Variants in NCOR2 observed in about 807,000 individuals in gnomAD.
NCOR2 encodes the protein nuclear receptor corepressor 2.
NCOR2 carries 81 observed loss-of-function variants against 262.9 expected under a neutral mutation model. The ratio of observed to expected loss-of-function variants is 0.31; its 90% CI spans 0.26 to 0.37. The LOEUF (loss-of-function observed/expected upper bound fraction) is 0.37. Ranked by LOEUF, NCOR2 falls within the 10% of genes least tolerant of loss-of-function variation. NCOR2 has a pLI of 1.00. For missense variants in NCOR2, 3,385 were observed against 3,621.4 expected, an observed-to-expected ratio of 0.93 and a Z score of 1.68; for synonymous variants, 1,659 against 1,559.3, an observed-to-expected ratio of 1.06 and a Z score of -1.51.
intron 29 of NCOR2, 35 bp from the exon 32 acceptor site, chr12:124,347,946 C>G (rs1244064): frequency 0.98 from 1,522,716 of 1,548,500 alleles, 749,762 homozygotes; most frequent in Non-Finnish European, 1. Context: ...CATTCCGTGG[C>G]TCCCTGAGCC....
At chr12:124,388,598 C>A in intron 16 of NCOR2, 1 of 1,267,372 alleles carries the variant, frequency 7.9e-7, no homozygotes. Context: ...TCCCCAGCTG[C>A]CCAGCCTCAA....
intron 41 of NCOR2, among the ~76,000 whole-genome samples, chr12:124,333,891 T>TGCGG (rs1284127802): frequency 0.052 from 7,429 of 143,750 alleles, 440 homozygotes; most frequent in Non-Finnish European, 0.071. Flanking sequence ...TGTGCATGTG[T>TGCGG]GTGTGCGCGC....
chr12:124,459,647 G>T (rs1343814782), intron 5 of NCOR2, among the ~76,000 whole-genome samples: 1 of 152,178 alleles, frequency 6.6e-6, no homozygotes, highest in South Asian at 2.1e-4. Flanking sequence ...AGGACGTTCT[G>T]CAGGGAGCAA....
intron 15 of NCOR2, among the ~76,000 whole-genome samples, chr12:124,399,300 G>T (rs1356845875): frequency 6.6e-6 from 1 of 152,144 alleles, no homozygotes; most frequent in Admixed American, 6.5e-5. Flanking sequence ...GGTGCCAGGG[G>T]TGCTGAGGGT....
intron 3 of NCOR2, among the ~76,000 whole-genome samples, chr12:124,473,544 C>T (rs1268869408): frequency 6.6e-6 from 1 of 152,054 alleles, no homozygotes; most frequent in Non-Finnish European, 1.5e-5. Context: ...ACCTTGTGAT[C>T]GTGTGAGTTA....
Position 124,457,238 on chromosome 12 carries a change from A to C in NCOR2, c.706-76T>G. The C allele has an allele frequency of 7.0e-7, 1 of 1,435,970 alleles. No homozygotes were observed. The allele number at this position is 1,435,970 out of a possible 1,614,324, so 89.0% of individuals were successfully genotyped here. On this transcript the variant is annotated intron_variant, in intron 5 of 46. Coordinates refer to ENST00000405201, the Ensembl canonical transcript of NCOR2. The surrounding 1 kb of genome is among the most constrained non-coding windows in gnomAD (Gnocchi z 4.0). ...CAGATTATAAATAGAGGCTTCCCGGAGCAGCGGGCACCTGCCCAGCCCAGT... is the reference window on the plus strand; with the variant it reads ...CAGATTATAAATAGAGGCTTCCCGGCGCAGCGGGCACCTGCCCAGCCCAGT...
At chr12:124,438,111 G>T (rs2044471367) in intron 7 of NCOR2, 115 bp from the exon 10 acceptor site, 1 of 953,108 alleles carries the variant, frequency 1.0e-6, no homozygotes, top group East Asian at 2.6e-5. Flanking sequence ...TGGTTCTCAG[G>T]GAGATGAGAC....
At position 124,437,877 on chromosome 12, in the gene NCOR2, C is replaced by T. The variant is rs900664805; in HGVS notation, c.882+53G>A. The T allele has an allele frequency of 7.1e-6, 11 of 1,553,728 alleles. No individual in the cohort carries two copies. In the African/African-American group the frequency reaches 8.2e-5, roughly 12 times the overall value. ...CGGCAGGTGTGGCCCCCTGTGCGCT[C>T]GATTCTCCCCAGATCTCAAGGAAAG... is the stretch of plus-strand genomic sequence containing the variant. On this transcript the variant is annotated intron_variant, in intron 8 of 46. Transcript: ENST00000405201.
chr12:124,542,106 G>A (rs2051385360), intron 1 of NCOR2, among the ~76,000 whole-genome samples: 1 of 151,884 alleles, frequency 6.6e-6, no homozygotes, highest in Admixed American at 6.6e-5. Flanking sequence ...CCCAGACCCA[G>A]CCTCAGCCTC....
intron 7 of NCOR2, 105 bp from the exon 10 acceptor site, chr12:124,438,101 T>C (rs555987809): frequency 9.1e-7 from 1 of 1,103,408 alleles, no homozygotes; most frequent in South Asian, 1.4e-5. Context: ...GCCCCGTTAT[T>C]GGTTCTCAGG....
chr12:124,541,459 AG>A (rs1566042395), intron 1 of NCOR2, among the ~76,000 whole-genome samples: 1 of 4,346 alleles, frequency 2.3e-4, no homozygotes, highest in African/African-American at 1.6e-3. Flanking sequence ...GGGAGTGGAG[AG>A]CTGGAGGGGG....
intron 3 of NCOR2, among the ~76,000 whole-genome samples, chr12:124,480,370 TCAGA>T (rs1298368813): frequency 6.6e-6 from 1 of 152,158 alleles, no homozygotes; most frequent in Non-Finnish European, 1.5e-5. Context: ...GCCTGGGCAG[TCAGA>T]CACAGCTGGG....
intron 1 of NCOR2, among the ~76,000 whole-genome samples, chr12:124,518,672 C>T (rs774615518): frequency 6.6e-5 from 10 of 152,282 alleles, no homozygotes; most frequent in Admixed American, 3.3e-4. Flanking sequence ...AATTCCTCAT[C>T]GCCATGGTAA....
At chr12:124,326,822 T>A (rs910109411) in intron 45 of NCOR2, among the ~76,000 whole-genome samples, 2 of 151,940 alleles carry the variant, frequency 1.3e-5, no homozygotes, top group Non-Finnish European at 2.9e-5. Flanking sequence ...TCTTGGGGCC[T>A]CAGTGTCCAG....
In NCOR2 at chr12:124,548,095, C is replaced by G. The variant is rs1262745034; in HGVS notation, c.-164-12484G>C. 6.6e-6 allele frequency among the ~76,000 whole-genome samples: 1 copy of G among 152,028 alleles called. No homozygotes were observed. Among genetic ancestry groups the G allele is most frequent in the Admixed American group, 6.5e-5 (1 of 15,274 alleles). ...GGGGCCTGGGGTGCCCCAGGCCGGG[C>G]AGGTCCCCTCCTATGGGACCTCTCC... is the stretch of plus-strand genomic sequence containing the variant. On this transcript the variant is annotated intron_variant, in intron 1 of 32. Coordinates refer to the NCOR2 transcript ENST00000458234. This position sits in a 1 kb window ranked among gnomAD's most constrained non-coding sequence, Gnocchi z 5.1.
At chr12:124,408,170 C>T (rs1160922005) in intron 13 of NCOR2, among the ~76,000 whole-genome samples, 6 of 152,210 alleles carry the variant, frequency 3.9e-5, no homozygotes, top group South Asian at 4.1e-4. Context: ...CTGGCTAACA[C>T]GGTGAAACCC....
rs532542668 is a variant in NCOR2, at chr12:124,358,383, C to T, written c.3101-1601G>A. Among the ~76,000 whole-genome samples, 14 of 151,594 alleles carry T rather than the reference C, an allele frequency of 9.2e-5. No individual in the cohort carries two copies. In the South Asian group the frequency reaches 1.1e-3, roughly 11 times the overall value. Reference sequence around the variant, plus strand: ...GGAGGTAACCTGTGATGTGTGTGCACGTGCACGTGCATGTGTGTGCGAGTG... The same window carrying T: ...GGAGGTAACCTGTGATGTGTGTGCATGTGCACGTGCATGTGTGTGCGAGTG... On this transcript the variant is annotated intron_variant, in intron 22 of 46. Coordinates refer to ENST00000405201, the Ensembl canonical transcript of NCOR2.
At chr12:124,555,561 C>T (rs1247468023) in intron 1 of NCOR2, among the ~76,000 whole-genome samples, 1 of 152,238 alleles carries the variant, frequency 6.6e-6, no homozygotes, top group African/African-American at 2.4e-5. Flanking sequence ...TCTACAGATG[C>T]GGAAACGAGC....
At chr12:124,534,351 G>A (rs2051008152) in intron 1 of NCOR2, among the ~76,000 whole-genome samples, 1 of 152,072 alleles carries the variant, frequency 6.6e-6, no homozygotes, top group African/African-American at 2.4e-5. Context: ...CAGCTACTAA[G>A]GAGGCTGAGG....
Sources: allele counts gnomAD v4.1 joint callset (sites outside exome capture counted in the v4.1 genomes callset), GRCh38; gene constraint gnomAD v4.1.1; non-coding constraint Gnocchi (gnomAD v3.1); transcripts MANE v1.5; gene names NCBI Gene and HGNC (gene_info 2026-07-23, HGNC 2026-07-21).